The following ZFHX3 variants were observed in gnomAD, a reference collection of about 807,000 sequenced individuals.
The protein encoded by ZFHX3 is zinc finger homeobox 3.
Under a neutral mutation model 279.1 loss-of-function variants are expected in ZFHX3, and 42 were observed. The ratio of observed to expected loss-of-function variants is 0.15; its 90% CI spans 0.12 to 0.19. ZFHX3 has a LOEUF of 0.19. ZFHX3 is among the 10% of genes least tolerant of loss of function. ZFHX3 has a pLI of 1.00. For missense variants in ZFHX3, 4,981 were observed against 4,754.0 expected (o/e 1.05, Z -1.40); for synonymous variants, 2,293 against 1,957.8 (o/e 1.17, Z -4.52).
intron 2 of ZFHX3, among the ~76,000 whole-genome samples, chr16:73,546,312 CA>C (rs1170633656): frequency 6.6e-6 from 1 of 152,100 alleles, no homozygotes; most frequent in Non-Finnish European, 1.5e-5. Flanking sequence ...TCCCCCTGTG[CA>C]TCCAATAGGT....
At chr16:73,857,498 C>G (rs1297430040) in intron 1 of ZFHX3, among the ~76,000 whole-genome samples, 1 of 152,154 alleles carries the variant, frequency 6.6e-6, no homozygotes, top group Non-Finnish European at 1.5e-5. Context: ...TGTTCTTAGA[C>G]CTCCTTATTA....
At chr16:73,807,733 A>G (rs1352920522) in intron 1 of ZFHX3, among the ~76,000 whole-genome samples, 1 of 150,244 alleles carries the variant, frequency 6.7e-6, no homozygotes, top group Non-Finnish European at 1.5e-5. Flanking sequence ...AGCCTCCCAA[A>G]ATGTTGGAAT....
chr16:73,156,608 T>C (rs776665528), intron 5 of ZFHX3, among the ~76,000 whole-genome samples: 1 of 152,136 alleles, frequency 6.6e-6, no homozygotes, highest in African/African-American at 2.4e-5. Context: ...CAAGCTGCAG[T>C]GCAGTGGGGT....
At chr16:72,931,123 C>T (rs994690287) in intron 3 of ZFHX3, among the ~76,000 whole-genome samples, 5 of 152,100 alleles carry the variant, frequency 3.3e-5, no homozygotes, top group African/African-American at 1.2e-4. Flanking sequence ...GTTGCCAAAA[C>T]TCAGTCCTCC....
At chr16:72,918,340 A>G (rs2039493940) in intron 3 of ZFHX3, among the ~76,000 whole-genome samples, 1 of 152,248 alleles carries the variant, frequency 6.6e-6, no homozygotes, top group African/African-American at 2.4e-5. Context: ...GAGACAAGAA[A>G]AGGAGGGACA....
chr16:73,193,847 G>A (rs1043583970), intron 5 of ZFHX3, among the ~76,000 whole-genome samples: 15 of 152,186 alleles, frequency 9.9e-5, no homozygotes, highest in African/African-American at 3.6e-4. Flanking sequence ...CATCTGATAA[G>A]GATTGTGTAA....
rs370950205 is a variant in ZFHX3, at chr16:73,150,869, G to T, written c.-1103-7038C>A. On this transcript the variant is annotated intron_variant, in intron 5 of 17. Transcript: ENST00000641206. ...ACTGGATTTCTTTGTAAATTCAGTA[G>T]AATTCTACCAAAAATAATCACTGGC... Among the ~76,000 whole-genome samples the T allele has an allele frequency of 1.2e-4, 18 of 152,272 alleles. No homozygotes were observed. The East Asian group carries it at 3.3e-3, about 28-fold the overall frequency.
chr16:73,141,921 T>C (rs1966848669), intron 6 of ZFHX3, among the ~76,000 whole-genome samples: 1 of 152,176 alleles, frequency 6.6e-6, no homozygotes, highest in Admixed American at 6.5e-5. Context: ...TTAGGACCTG[T>C]TTATTTTCAT....
chr16:73,740,820 T>C (rs1279026706), intron 1 of ZFHX3, among the ~76,000 whole-genome samples: 1 of 152,140 alleles, frequency 6.6e-6, no homozygotes, highest in African/African-American at 2.4e-5. Context: ...CAGGGGCTTC[T>C]CATTATGGAA....
At position 73,265,078 on chromosome 16, in the gene ZFHX3, C is replaced by CGTGTGTGTGTGTGTGT. The variant is rs72075949; in HGVS notation, c.-1193-7958_-1193-7943dup. Among the ~76,000 whole-genome samples, 45 of 145,982 alleles carry CGTGTGTGTGTGTGTGT rather than the reference C, an allele frequency of 3.1e-4. 1 individual carries two copies. Among genetic ancestry groups the CGTGTGTGTGTGTGTGT allele is most frequent in the Non-Finnish European group, 3.3e-4 (22 of 66,796 alleles). The stretch of plus-strand genomic sequence containing the variant: ...ATAATAGCACCTCAGCGCATATATG[C>CGTGTGTGTGTGTGTGT]GTGTGTGTGTGTGTGTGTGTGTGTG... On this transcript the variant is annotated intron_variant, in intron 4 of 17. Transcript: ENST00000641206.
intron 1 of ZFHX3, among the ~76,000 whole-genome samples, chr16:73,759,568 A>C (rs555081634): frequency 6.6e-6 from 1 of 152,324 alleles, no homozygotes; most frequent in East Asian, 1.9e-4. Flanking sequence ...TGGGGAAAGA[A>C]AAGTTAAAAA....
chr16:73,871,960 T>C (rs538766677), intron 1 of ZFHX3, among the ~76,000 whole-genome samples: 320 of 152,352 alleles, frequency 2.1e-3, no homozygotes, highest in African/African-American at 6.4e-3. Flanking sequence ...ATTGTACTTA[T>C]GAAAATTGGC....
At position 73,411,509 on chromosome 16, in the gene ZFHX3, T is replaced by C. The variant is rs536557059; in HGVS notation, c.-1291+44494A>G. Among the ~76,000 whole-genome samples the C allele has an allele frequency of 7.9e-5, 12 of 152,324 alleles. No individual in the cohort carries two copies. The East Asian group carries it at 2.1e-3, about 27-fold the overall frequency. ...AAATTCCATTTATACTTCTTTGTTT[T>C]TTTTCAGGATCACATTAAGTGAAAT... On this transcript the variant is annotated intron_variant, in intron 3 of 17. Coordinates refer to the ZFHX3 transcript ENST00000641206.
chr16:73,002,184 G>A (rs1963521826), intron 1 of ZFHX3, among the ~76,000 whole-genome samples: 1 of 152,146 alleles, frequency 6.6e-6, no homozygotes, highest in South Asian at 2.1e-4. Flanking sequence ...CCCCCGCCAG[G>A]ATAGCACGTG....
intron 4 of ZFHX3, among the ~76,000 whole-genome samples, chr16:72,839,737 T>C (rs915406165): frequency 6.6e-6 from 1 of 151,560 alleles, no homozygotes; most frequent in African/African-American, 2.4e-5. Flanking sequence ...ATCTAGGGTG[T>C]CTAGATTTAT....
At chr16:72,867,082 G>T (rs2038040879) in intron 4 of ZFHX3, among the ~76,000 whole-genome samples, 1 of 152,192 alleles carries the variant, frequency 6.6e-6, no homozygotes, top group African/African-American at 2.4e-5. Flanking sequence ...ACCATGGGCT[G>T]AACAGAAGAT....
At chr16:73,690,305 G>A (rs1382311787) in intron 1 of ZFHX3, among the ~76,000 whole-genome samples, 2 of 152,140 alleles carry the variant, frequency 1.3e-5, no homozygotes, top group African/African-American at 2.4e-5. Flanking sequence ...CATGTACGGG[G>A]CCTATGCATT....
intron 4 of ZFHX3, among the ~76,000 whole-genome samples, chr16:73,282,586 C>G (rs1439201193): frequency 2.6e-5 from 4 of 152,144 alleles, no homozygotes; most frequent in African/African-American, 9.7e-5. Context: ...GTTTTCTGCA[C>G]TCACTACGAT....
intron 4 of ZFHX3, among the ~76,000 whole-genome samples, chr16:72,837,570 C>G (rs901667819): frequency 2.7e-5 from 4 of 150,734 alleles, no homozygotes; most frequent in Non-Finnish European, 4.4e-5. Context: ...CCTCAAACTC[C>G]TGGGCTCAAG....
Sources: allele counts gnomAD v4.1 joint callset (sites outside exome capture counted in the v4.1 genomes callset), GRCh38; gene constraint gnomAD v4.1.1; transcripts MANE v1.5; gene names NCBI Gene and HGNC (gene_info 2026-07-23, HGNC 2026-07-21).